Variants in LCOR observed in about 807,000 individuals in gnomAD.
LCOR encodes the protein ligand-dependent corepressor.
LCOR carries 14 observed loss-of-function variants against 64.4 expected under a neutral mutation model. The ratio of observed to expected loss-of-function variants is 0.22; its 90% CI spans 0.14 to 0.34. The LOEUF is 0.34. LCOR is among the 10% of genes least tolerant of loss of function. The pLI, the probability that LCOR is intolerant of heterozygous loss-of-function variation, is 1.00. For synonymous variants in LCOR, 643 were observed against 642.5 expected (o/e 1.00, Z -0.01); for missense variants, 1,686 against 1,765.3 (o/e 0.96, Z 0.80).
chr10:96,940,092 A>T (rs1345810168), intron 4 of LCOR, among the ~76,000 whole-genome samples: 2 of 152,212 alleles, frequency 1.3e-5, no homozygotes, highest in African/African-American at 4.8e-5. Context: ...ATGAGATAAT[A>T]CCACTTCTTA....
chr10:96,949,369 C>A, intron 6 of LCOR, 74 bp downstream of exon 6: 3 of 1,314,318 alleles, frequency 2.3e-6, no homozygotes, highest in Non-Finnish European at 3.2e-6. Context: ...AAAGCATTGG[C>A]AAGTAGAGCA....
intron 7 of LCOR, chr10:96,955,733 T>C (rs1206250214): frequency 3.1e-6 from 5 of 1,614,050 alleles, no homozygotes; most frequent in Non-Finnish European, 4.2e-6. Context: ...TTTCCAAAGC[T>C]CAGAGTATTT....
rs866310040 is a variant in LCOR at position 96,964,344 on chromosome 10, A to G, written c.332+12148A>G. On this transcript the variant is annotated intron_variant, in intron 7 of 7. Coordinates refer to ENST00000421806, the MANE Select transcript of LCOR (RefSeq NM_001346516.2). Reference sequence around the variant, plus strand: ...TATTTGACCATGACATTTTGGAGAAACATTCCCAGCTGTAATGTTGTGTAT... The same window carrying G: ...TATTTGACCATGACATTTTGGAGAAGCATTCCCAGCTGTAATGTTGTGTAT... The G allele has an allele frequency of 3.3e-5, 5 of 151,958 alleles. No homozygotes were observed. The South Asian group carries it at 6.2e-4, about 19-fold the overall frequency. 9.4% of individuals were successfully genotyped at this position (151,958 alleles called of 1,614,324 possible). A position where few individuals can be genotyped will look rare whatever the true frequency, so the allele number is the denominator to read the frequency against.
chr10:96,930,417 A>C (rs1589663311), intron 4 of LCOR, among the ~76,000 whole-genome samples: 1 of 152,144 alleles, frequency 6.6e-6, no homozygotes, highest in African/African-American at 2.4e-5. Context: ...TTCTTGAAAA[A>C]ACCTTTGAGG....
intron 2 of LCOR, among the ~76,000 whole-genome samples, chr10:96,898,748 A>G (rs1564619258): frequency 6.6e-6 from 1 of 152,170 alleles, no homozygotes; most frequent in Non-Finnish European, 1.5e-5. Context: ...CTGGGTAGTA[A>G]TAGTGCTTGT....
rs1007985432 is a variant in LCOR, at chr10:96,920,650, ATG to A, written c.-184+12907_-184+12908del. On this transcript the variant is annotated intron_variant, in intron 4 of 7. Transcript: ENST00000421806. ...TATGTACATTCATATATGTGTATAT[ATG>A]TGTATATATGTATATATGTATATAT... Among the ~76,000 whole-genome samples, 81 of 138,744 alleles carry A rather than the reference ATG, an allele frequency of 5.8e-4. 1 individual carries two copies. Among genetic ancestry groups the A allele is most frequent in the East Asian group, 5.7e-3 (29 of 5,096 alleles). The allele number at this position is 138,744 out of a possible 152,430, so 91.0% of individuals were successfully genotyped here.
At chr10:96,877,598 ATTTTTTTTTTTT>A (rs57119025) in intron 2 of LCOR, among the ~76,000 whole-genome samples, 17 of 65,682 alleles carry the variant, frequency 2.6e-4, no homozygotes, top group South Asian at 8.8e-4. Context: ...ATTTTTCTGA[ATTTTTTTTTTTT>A]TTTTTTTTTT....
At chr10:96,973,746 A>G (rs1848016868) in intron 7 of LCOR, among the ~76,000 whole-genome samples, 1 of 152,196 alleles carries the variant, frequency 6.6e-6, no homozygotes, top group Admixed American at 6.5e-5. Context: ...ATTAGCTCCT[A>G]TCCAAACATC....
chr10:96,983,346 C>T lies in LCOR; in HGVS notation c.2886C>T (p.Pro962=), dbSNP rs747461441. The change falls in exon 8 of 8, where the codon CCC becomes CCT. Residue 962 remains proline, a synonymous_variant. Transcript: ENST00000421806. The surrounding 1 kb of genome is among the most constrained non-coding windows in gnomAD (Gnocchi z 4.5). ...SKMDEKNAHI[P]SESIACKRDP... ...TGGATGAGAAGAATGCTCATATCCC[C>T]TCAGAAAGTATTGCTTGTAAGAGGG... 4 of 1,614,176 alleles carry T rather than the reference C, an allele frequency of 2.5e-6. No individual in the cohort carries two copies. In the African/African-American group the frequency reaches 4.0e-5, roughly 16 times the overall value.
At chr10:96,860,160 A>G (rs1205744976) in intron 2 of LCOR, among the ~76,000 whole-genome samples, 2 of 152,200 alleles carry the variant, frequency 1.3e-5, no homozygotes, top group Non-Finnish European at 2.9e-5. Context: ...ATTTTGAAGA[A>G]ATTGACTGAC....
chr10:96,924,633 T>TAA (rs1375360325), intron 4 of LCOR, among the ~76,000 whole-genome samples: 1 of 152,186 alleles, frequency 6.6e-6, no homozygotes, highest in African/African-American at 2.4e-5. Flanking sequence ...TTCACCGAGA[T>TAA]TCACCAATTG....
chr10:96,932,245 A>G (rs1380109202), intron 4 of LCOR, among the ~76,000 whole-genome samples: 29 of 152,192 alleles, frequency 1.9e-4, no homozygotes, highest in Admixed American at 1.9e-3. Flanking sequence ...TGATGATTTT[A>G]TAAAAAGTAC....
At chr10:96,869,462 A>G (rs1363593042) in intron 2 of LCOR, among the ~76,000 whole-genome samples, 1 of 151,738 alleles carries the variant, frequency 6.6e-6, no homozygotes, top group Non-Finnish European at 1.5e-5. Flanking sequence ...TAATCTGCCT[A>G]CCTTGGCCTC....
At chr10:96,892,968 TTC>T (rs746835086) in intron 2 of LCOR, among the ~76,000 whole-genome samples, 1 of 152,202 alleles carries the variant, frequency 6.6e-6, no homozygotes, top group Non-Finnish European at 1.5e-5. Context: ...CATTTTATAT[TTC>T]TTTCTGTCTG....
At chr10:96,885,553 ATT>A (rs144687202) in intron 2 of LCOR, among the ~76,000 whole-genome samples, 8,931 of 117,568 alleles carry the variant, frequency 0.076, 588 homozygotes, top group East Asian at 0.25. Flanking sequence ...GGCTAATTGA[ATT>A]TTTTTTTTTT....
chr10:96,916,625 A>AT (rs1372959161), intron 4 of LCOR, among the ~76,000 whole-genome samples: 10 of 148,960 alleles, frequency 6.7e-5, no homozygotes, highest in Admixed American at 1.3e-4. Context: ...ATGATTATTT[A>AT]TTTTTTTGAG....
At chr10:96,836,828 G>A (rs1234567518) in intron 2 of LCOR, among the ~76,000 whole-genome samples, 1 of 152,170 alleles carries the variant, frequency 6.6e-6, no homozygotes, top group Non-Finnish European at 1.5e-5. Context: ...ACACATGATA[G>A]GTTTGCAAAG....
chr10:96,991,148 A>C lies in LCOR; in HGVS notation c.*6014A>C, dbSNP rs1848197720. 1 of 151,696 alleles carries C rather than the reference A, an allele frequency of 6.6e-6. No individual in the cohort carries two copies. Among genetic ancestry groups the C allele is most frequent in the Admixed American group, 6.6e-5 (1 of 15,246 alleles). The allele number at this position is 151,696 out of a possible 1,614,324, so 9.4% of individuals were successfully genotyped here. On this transcript the variant is annotated 3_prime_UTR_variant, in exon 8 of 8. Coordinates refer to ENST00000421806, the MANE Select transcript of LCOR (RefSeq NM_001346516.2). ...GTAGTCATTAAAGATCAAATTGTGT[A>C]GACAGGCACAACTTTTTTTTTTCAT...
chr10:96,953,527 G>C (rs890869558), intron 7 of LCOR, among the ~76,000 whole-genome samples: 1 of 151,918 alleles, frequency 6.6e-6, no homozygotes, highest in African/African-American at 2.4e-5. Flanking sequence ...CTCAAGCCTG[G>C]GTGACAGAGC....
Sources: allele counts gnomAD v4.1 joint callset (sites outside exome capture counted in the v4.1 genomes callset), GRCh38; gene constraint gnomAD v4.1.1; non-coding constraint Gnocchi (gnomAD v3.1); transcripts MANE v1.5; gene names NCBI Gene and HGNC (gene_info 2026-07-23, HGNC 2026-07-21).